PRKN: variants seen among roughly 807,000 people sequenced by gnomAD.
PRKN encodes parkin RBR E3 ubiquitin protein ligase, also known as E3 ubiquitin-protein ligase parkin.
A neutral mutation model predicts 59.5 loss-of-function variants in PRKN; 56 were observed. The ratio of observed to expected loss-of-function variants is 0.94; its 90% confidence interval spans 0.76 to 1.18. The LOEUF is 1.18. Among genes scored for constraint, PRKN ranks in the 50% most tolerant of loss-of-function variants. PRKN has a pLI of 0.00. For synonymous variants in PRKN, 250 were observed against 222.1 expected (o/e 1.13, Z -1.12); for missense variants, 657 against 596.4 (o/e 1.10, Z -1.06).
intron 4 of PRKN, among the ~76,000 whole-genome samples, chr6:162,134,037 T>C (rs1337503352): frequency 6.6e-6 from 1 of 152,178 alleles, no homozygotes; most frequent in Non-Finnish European, 1.5e-5. Context: ...ACAACAAGAT[T>C]CTGTCTGATA....
chr6:161,746,542 C>T (rs1478227096), intron 7 of PRKN, among the ~76,000 whole-genome samples: 1 of 146,804 alleles, frequency 6.8e-6, no homozygotes, highest in Non-Finnish European at 1.5e-5. Flanking sequence ...GGGTAAGGTA[C>T]ATTTATCTAT....
rs13211754 is a variant in PRKN at position 162,345,864 on chromosome 6, A to T, written c.172-83099T>A. 2.9e-3 allele frequency among the ~76,000 whole-genome samples: 434 copies of T among 152,266 alleles called. 3 individuals carry two copies. The highest frequency in any genetic ancestry group is 3.8e-3 in the Non-Finnish European group (259 of 68,018). ...GTGTCCCTCAAATTTCATATGTTGG[A>T]AACTTAATCCCCAAATTCGTATGTT... is the stretch of plus-strand genomic sequence containing the variant. On this transcript the variant is annotated intron_variant, in intron 2 of 11. Coordinates refer to ENST00000366898, the MANE Select transcript of PRKN (RefSeq NM_004562.3).
Position 161,376,507 on chromosome 6 carries a change from C to T in PRKN, c.1167+10287G>A, listed in dbSNP as rs770133909. Among the ~76,000 whole-genome samples the T allele has an allele frequency of 2.3e-4, 35 of 152,304 alleles. No individual in the cohort carries two copies. Among genetic ancestry groups the T allele is most frequent in the Non-Finnish European group, 4.3e-4 (29 of 68,028 alleles). On this transcript the variant is annotated intron_variant, in intron 10 of 11. Transcript: ENST00000366898. This position sits in a 1 kb window ranked among gnomAD's most constrained non-coding sequence, Gnocchi z 7.3. ...AATCCACTGCCAAGTTCTGCAGATCCGACCTCAAGCCCATCCCCTCCTCTG... is the reference window on the plus strand; with the variant it reads ...AATCCACTGCCAAGTTCTGCAGATCTGACCTCAAGCCCATCCCCTCCTCTG...
At position 161,456,897 on chromosome 6, in the gene PRKN, G is replaced by A. The variant is rs1185274912; in HGVS notation, c.1084-70020C>T. On this transcript the variant is annotated intron_variant, in intron 9 of 11. Transcript: ENST00000366898. The surrounding 1 kb of genome is among the most constrained non-coding windows in gnomAD (Gnocchi z 4.8). ...TTTCTCCTAGGCAAACAGAGGTAGT[G>A]TGGCAGCTGGAAGAGGCCTGGAGTG... Among the ~76,000 whole-genome samples, 1 of 152,196 alleles carries A rather than the reference G, an allele frequency of 6.6e-6. No individual in the cohort carries two copies.
intron 5 of PRKN, among the ~76,000 whole-genome samples, chr6:162,036,438 G>C (rs944478834): frequency 2.6e-5 from 4 of 151,764 alleles, no homozygotes; most frequent in Non-Finnish European, 5.9e-5. Context: ...GGAGTGCAAC[G>C]GCAGGATCTC....
At chr6:162,114,410 C>A (rs1230567214) in intron 4 of PRKN, among the ~76,000 whole-genome samples, 9 of 151,724 alleles carry the variant, frequency 5.9e-5, no homozygotes, top group African/African-American at 1.7e-4. Flanking sequence ...GTTTGTAGTT[C>A]TCCTCGAAGA....
intron 11 of PRKN, among the ~76,000 whole-genome samples, chr6:161,350,940 TATA>T (rs1784517846): frequency 1.2e-5 from 1 of 80,444 alleles, no homozygotes. Flanking sequence ...TATATATAAA[TATA>T]TTTTATATAT....
At chr6:161,648,818 A>G (rs905330603) in intron 7 of PRKN, among the ~76,000 whole-genome samples, 1 of 152,206 alleles carries the variant, frequency 6.6e-6, no homozygotes, top group African/African-American at 2.4e-5. Context: ...AGTGTCCTAG[A>G]GCCAAAAACA....
intron 6 of PRKN, among the ~76,000 whole-genome samples, chr6:161,832,725 G>A (rs1792559467): frequency 2.0e-5 from 3 of 151,850 alleles, no homozygotes; most frequent in Non-Finnish European, 2.9e-5. Context: ...GCCACACAGT[G>A]TGACACAATG....
intron 6 of PRKN, among the ~76,000 whole-genome samples, chr6:161,848,248 T>G (rs1793281340): frequency 6.6e-6 from 1 of 152,230 alleles, no homozygotes; most frequent in Non-Finnish European, 1.5e-5. Flanking sequence ...TAGACAATTT[T>G]TCACCATTTA....
At chr6:161,742,737 T>C (rs80174955) in intron 7 of PRKN, among the ~76,000 whole-genome samples, 3,935 of 152,238 alleles carry the variant, frequency 0.026, 181 homozygotes, top group African/African-American at 0.091. Flanking sequence ...ACGCCAGGCA[T>C]TTTCACAAGT....
intron 1 of PRKN, among the ~76,000 whole-genome samples, chr6:162,511,186 C>A (rs34235347): frequency 0.13 from 20,093 of 151,846 alleles, 1,567 homozygotes; most frequent in South Asian, 0.21. Flanking sequence ...TTTGTGTCTG[C>A]CTAATTTAAT....
intron 2 of PRKN, among the ~76,000 whole-genome samples, chr6:162,387,860 G>A (rs1171080456): frequency 6.6e-6 from 1 of 152,188 alleles, no homozygotes; most frequent in Non-Finnish European, 1.5e-5. Flanking sequence ...AAACAAGGTG[G>A]CCTCTGGCTG....
intron 5 of PRKN, among the ~76,000 whole-genome samples, chr6:162,013,990 AT>A (rs1159680527): frequency 6.6e-6 from 1 of 152,040 alleles, no homozygotes; most frequent in Non-Finnish European, 1.5e-5. Flanking sequence ...AACATAATAC[AT>A]TAACAAGGTT....
At chr6:162,248,915 T>G (rs544406551) in intron 3 of PRKN, among the ~76,000 whole-genome samples, 21 of 152,018 alleles carry the variant, frequency 1.4e-4, no homozygotes, top group Non-Finnish European at 3.1e-4. Flanking sequence ...AGTCTTGCTC[T>G]GTCACCAGGC....
chr6:161,849,118 G>A (rs529401616), intron 6 of PRKN, among the ~76,000 whole-genome samples: 5 of 152,258 alleles, frequency 3.3e-5, no homozygotes, highest in African/African-American at 1.2e-4. Flanking sequence ...CATACTGCTC[G>A]TTTGCACTTG....
intron 3 of PRKN, among the ~76,000 whole-genome samples, chr6:162,230,975 G>A (rs1778398154): frequency 6.6e-6 from 1 of 152,192 alleles, no homozygotes; most frequent in Non-Finnish European, 1.5e-5. Flanking sequence ...CCAATGTGAT[G>A]TAAATTCATT....
chr6:162,312,470 C>T (rs1354518020), intron 2 of PRKN, among the ~76,000 whole-genome samples: 3 of 152,170 alleles, frequency 2.0e-5, no homozygotes, highest in Non-Finnish European at 4.4e-5. Context: ...ATGTACTCTA[C>T]TCCATCACCC....
intron 4 of PRKN, among the ~76,000 whole-genome samples, chr6:162,119,254 G>A (rs947525320): frequency 2.0e-5 from 3 of 152,124 alleles, no homozygotes; most frequent in Admixed American, 6.6e-5. Flanking sequence ...CGGTAATCCT[G>A]CAATTGGCAC....
Sources: allele counts gnomAD v4.1 joint callset (sites outside exome capture counted in the v4.1 genomes callset), GRCh38; gene constraint gnomAD v4.1.1; non-coding constraint Gnocchi (gnomAD v3.1); transcripts MANE v1.5; gene names NCBI Gene and HGNC (gene_info 2026-07-23, HGNC 2026-07-21).